CARMIL1: variants seen among roughly 807,000 people sequenced by gnomAD.
CARMIL1 encodes the protein capping protein regulator and myosin 1 linker 1.
Under a neutral mutation model 177.1 loss-of-function variants are expected in CARMIL1, and 90 were observed. That is an observed-to-expected ratio of 0.51 (90% CI 0.43 to 0.61). CARMIL1 has a LOEUF of 0.61. Ranked by LOEUF, CARMIL1 falls within the 20% of genes least tolerant of loss-of-function variation. The probability of loss-of-function intolerance (pLI) is 0.00; values close to 1 mark genes in which losing one functional copy is unlikely to be tolerated. For missense variants in CARMIL1, 1,380 were observed against 1,667.0 expected, an observed-to-expected ratio of 0.83 and a Z score of 3.00; for synonymous variants, 577 against 606.2, an observed-to-expected ratio of 0.95 and a Z score of 0.71.
At position 25,426,739 on chromosome 6, in the gene CARMIL1, C is replaced by T. The variant is rs537601404; in HGVS notation, c.249+179C>T. Among the ~76,000 whole-genome samples the T allele has an allele frequency of 2.6e-5, 4 of 152,298 alleles. No homozygotes were observed. The East Asian group carries it at 7.7e-4, about 29-fold the overall frequency. Reference sequence around the variant, plus strand: ...GGAATTCATTCTGATAAGGAAAACACATTCTCCATAACTCAGTTTGTGAAG... The same window carrying T: ...GGAATTCATTCTGATAAGGAAAACATATTCTCCATAACTCAGTTTGTGAAG... On this transcript the variant is annotated intron_variant, in intron 4 of 36. Coordinates refer to ENST00000329474, the MANE Select transcript of CARMIL1 (RefSeq NM_017640.6).
intron 2 of CARMIL1, among the ~76,000 whole-genome samples, chr6:25,419,453 C>G (rs1795645198): frequency 6.6e-6 from 1 of 152,126 alleles, no homozygotes; most frequent in African/African-American, 2.4e-5. Flanking sequence ...AGCTCAGCCC[C>G]TTAGTATTCA....
In CARMIL1 at chr6:25,445,828, A is replaced by C. The variant is rs77282484; in HGVS notation, c.372-4070A>C. ...GACACAAAATATATTTCTTAATAAG[A>C]CTTGAAAGTCAAACCTATTCCTGGA... On this transcript the variant is annotated intron_variant, in intron 5 of 36. Transcript: ENST00000329474. Among the ~76,000 whole-genome samples the C allele has an allele frequency of 4.7e-4, 71 of 152,266 alleles. 1 individual carries two copies. In the East Asian group the frequency reaches 0.013, roughly 27 times the overall value.
intron 2 of CARMIL1, among the ~76,000 whole-genome samples, chr6:25,378,721 T>G (rs1052993226): frequency 1.3e-5 from 2 of 152,098 alleles, no homozygotes; most frequent in African/African-American, 4.8e-5. Context: ...AGAGGTAGTT[T>G]ATCCTCCTCT....
At chr6:25,463,113 G>A (rs548173350) in intron 8 of CARMIL1, among the ~76,000 whole-genome samples, 7 of 152,214 alleles carry the variant, frequency 4.6e-5, no homozygotes, top group South Asian at 2.1e-4. Context: ...ATTTAATCTT[G>A]TAAAACAGAT....
At chr6:25,301,444 C>T (rs537880216) in intron 2 of CARMIL1, among the ~76,000 whole-genome samples, 4 of 152,190 alleles carry the variant, frequency 2.6e-5, no homozygotes, top group Non-Finnish European at 4.4e-5. Context: ...GAAGGCCCAA[C>T]TGGGCAGCTG....
intron 26 of CARMIL1, 42 bp from the exon 27 acceptor site, chr6:25,550,868 G>A (rs771859683): frequency 6.4e-7 from 1 of 1,560,456 alleles, no homozygotes; most frequent in African/African-American, 1.4e-5. Context: ...CACCTCGGGT[G>A]CAGTGTCATC....
chr6:25,462,844 A>G (rs1414366746), intron 8 of CARMIL1, among the ~76,000 whole-genome samples: 4 of 152,228 alleles, frequency 2.6e-5, no homozygotes, highest in Non-Finnish European at 4.4e-5. Flanking sequence ...AGTGCGATAG[A>G]GGAATAAGAG....
chr6:25,519,852 C>T (rs773553772), intron 22 of CARMIL1, among the ~76,000 whole-genome samples: 2 of 152,140 alleles, frequency 1.3e-5, no homozygotes, highest in African/African-American at 4.8e-5. Flanking sequence ...ACTGTGGGGA[C>T]CCAGGTAGAG....
chr6:25,385,116 T>A (rs1459982708), intron 2 of CARMIL1, among the ~76,000 whole-genome samples: 1 of 152,182 alleles, frequency 6.6e-6, no homozygotes, highest in Non-Finnish European at 1.5e-5. Context: ...GTGAGCTAAG[T>A]GCAGCTATAA....
chr6:25,332,779 A>ACGCG (rs1785806654), intron 2 of CARMIL1, among the ~76,000 whole-genome samples: 1 of 149,634 alleles, frequency 6.7e-6, no homozygotes, highest in South Asian at 2.1e-4. Context: ...ACACGCGCAC[A>ACGCG]CACACACACA....
At chr6:25,377,408 C>T (rs914425174) in intron 2 of CARMIL1, among the ~76,000 whole-genome samples, 9 of 152,160 alleles carry the variant, frequency 5.9e-5, no homozygotes, top group African/African-American at 2.2e-4. Flanking sequence ...ATGTCATGTA[C>T]TTCTTCTTCC....
At chr6:25,373,212 TG>T (rs1223107234) in intron 2 of CARMIL1, among the ~76,000 whole-genome samples, 1 of 152,078 alleles carries the variant, frequency 6.6e-6, no homozygotes, top group East Asian at 1.9e-4. Context: ...TAGTTTTCTT[TG>T]TCTTTTTTTT....
intron 2 of CARMIL1, among the ~76,000 whole-genome samples, chr6:25,372,560 A>G (rs1790523677): frequency 6.6e-6 from 1 of 152,146 alleles, no homozygotes; most frequent in East Asian, 1.9e-4. Flanking sequence ...TTGTTGGTGT[A>G]TGGCAGTACT....
At chr6:25,300,694 A>C (rs919180805) in intron 2 of CARMIL1, among the ~76,000 whole-genome samples, 1 of 152,214 alleles carries the variant, frequency 6.6e-6, no homozygotes, top group Non-Finnish European at 1.5e-5. Context: ...TAGGAGACCT[A>C]TCTAGACCTA....
Position 25,515,659 on chromosome 6 carries a change from G to A in CARMIL1, c.1633-16G>A, listed in dbSNP as rs1805914353. ...TTGATGAGACTGCTGAGTGCCGTGT[G>A]TCATTTGCTCCGCAGCCTCTGCAGT... is the stretch of plus-strand genomic sequence containing the variant. On this transcript the variant is annotated splice_polypyrimidine_tract_variant and intron_variant, in intron 20 of 36. Coordinates refer to ENST00000329474, the MANE Select transcript of CARMIL1 (RefSeq NM_017640.6). The surrounding 1 kb of genome is among the most constrained non-coding windows in gnomAD (Gnocchi z 5.0). 6.3e-7 allele frequency: 1 copy of A among 1,587,782 alleles called. No individual in the cohort carries two copies. Among genetic ancestry groups the A allele is most frequent in the Non-Finnish European group, 8.6e-7 (1 of 1,166,982 alleles).
intron 29 of CARMIL1, among the ~76,000 whole-genome samples, chr6:25,571,110 C>T (rs2151218702): frequency 6.6e-6 from 1 of 152,086 alleles, no homozygotes. Flanking sequence ...TCTCGTTGAG[C>T]TGAAAATCTA....
Position 25,392,054 on chromosome 6 carries a change from ATGTGTGTGTGTGTGTG to A in CARMIL1, c.139-28030_139-28015del, listed in dbSNP as rs36076582. On this transcript the variant is annotated intron_variant, in intron 2 of 36. Coordinates refer to ENST00000329474, the MANE Select transcript of CARMIL1 (RefSeq NM_017640.6). ...TGTGTATGCATGTGTGTGTATATGCATGTGTGTGTGTGTGTGTGTGTGTGTGTGTGTGTGTGTGTGT... is the reference window on the plus strand; with the variant it reads ...TGTGTATGCATGTGTGTGTATATGCATGTGTGTGTGTGTGTGTGTGTGTGT... Among the ~76,000 whole-genome samples the A allele has an allele frequency of 7.8e-3, 1,089 of 139,360 alleles. 9 individuals are homozygous for A. The highest frequency in any genetic ancestry group is 0.026 in the African/African-American group (1,002 of 37,858). 91.4% of individuals were successfully genotyped at this position (139,360 alleles called of 152,430 possible).
At chr6:25,425,007 G>A (rs1796166613) in intron 3 of CARMIL1, among the ~76,000 whole-genome samples, 1 of 151,900 alleles carries the variant, frequency 6.6e-6, no homozygotes, top group Non-Finnish European at 1.5e-5. Flanking sequence ...ATGAAGGAAG[G>A]TATGTATACT....
chr6:25,600,422 C>T lies in CARMIL1; in HGVS notation c.3228C>T (p.Ser1076=), dbSNP rs769169129. 3 of 1,613,726 alleles carry T rather than the reference C, an allele frequency of 1.9e-6. No individual in the cohort carries two copies. Among genetic ancestry groups the T allele is most frequent in the Non-Finnish European group, 8.5e-7 (1 of 1,179,874 alleles). The change falls in exon 33 of 37, where the codon TCC becomes TCT. Residue 1076 remains serine (S), a synonymous_variant. Coordinates refer to ENST00000329474, the MANE Select transcript of CARMIL1 (RefSeq NM_017640.6). The part of the protein sequence containing the change: ...KSSGFLNLIK[S]RSKSERPPTI... ...GTGGCTTTCTCAATTTAATCAAATCCCGGTCCAAATCCGAGCGACCACCAA... is the reference window on the plus strand; with the variant it reads ...GTGGCTTTCTCAATTTAATCAAATCTCGGTCCAAATCCGAGCGACCACCAA...
Sources: allele counts gnomAD v4.1 joint callset (sites outside exome capture counted in the v4.1 genomes callset), GRCh38; gene constraint gnomAD v4.1.1; non-coding constraint Gnocchi (gnomAD v3.1); transcripts MANE v1.5; gene names NCBI Gene and HGNC (gene_info 2026-07-23, HGNC 2026-07-21).